Variants in NXPH2 observed in about 807,000 individuals in gnomAD.
The protein encoded by NXPH2 is neurexophilin-2.
Under a neutral mutation model 19.8 loss-of-function variants are expected in NXPH2, and 5 were observed. The ratio of observed to expected loss-of-function variants is 0.25; its 90% CI spans 0.13 to 0.53. The LOEUF (loss-of-function observed/expected upper bound fraction) is 0.53, where lower values mean the gene tolerates loss of function less well. Ranked by LOEUF, NXPH2 falls within the 20% of genes least tolerant of loss-of-function variation. The pLI is 0.96. For missense variants in NXPH2, 289 were observed against 322.8 expected, an observed-to-expected ratio of 0.90 and a Z score of 0.80; for synonymous variants, 154 against 127.4, an observed-to-expected ratio of 1.21 and a Z score of -1.41.
chr2:138,719,110 G>A (rs1681238564), intron 1 of NXPH2, among the ~76,000 whole-genome samples: 1 of 152,016 alleles, frequency 6.6e-6, no homozygotes, highest in South Asian at 2.1e-4. Flanking sequence ...TGATTAACAA[G>A]CTCCTTTATT....
rs56296863 is a variant in NXPH2, at chr2:138,771,476, T to TA, written c.51+8714dup. On this transcript the variant is annotated intron_variant, in intron 1 of 1. Coordinates refer to ENST00000272641, the MANE Select transcript of NXPH2 (RefSeq NM_007226.3). ...TACTTAAAGAAATTCTGAGTAGTACTAAAAAAAAAAAAAATTAAACAGAAA... is the reference window on the plus strand; with the variant it reads ...TACTTAAAGAAATTCTGAGTAGTACTAAAAAAAAAAAAAAATTAAACAGAAA... Among the ~76,000 whole-genome samples, 975 of 141,508 alleles carry TA rather than the reference T, an allele frequency of 6.9e-3. 4 individuals carry two copies. The highest frequency in any genetic ancestry group is 8.3e-3 in the Non-Finnish European group (539 of 64,616). 92.8% of individuals were successfully genotyped at this position (141,508 alleles called of 152,430 possible).
intron 1 of NXPH2, among the ~76,000 whole-genome samples, chr2:138,717,285 C>T (rs1001083452): frequency 6.6e-6 from 1 of 152,082 alleles, no homozygotes; most frequent in East Asian, 1.9e-4. Context: ...ACATGAGAAT[C>T]ACCTGGAGAA....
Position 138,683,814 on chromosome 2 carries a change from A to G in NXPH2, c.52-12149T>C, listed in dbSNP as rs542831491. The stretch of plus-strand genomic sequence containing the variant: ...GTTACATTCTTTCACCAAACATGAC[A>G]TTTGTTAATTTAAAATAAATTTTCC... On this transcript the variant is annotated intron_variant, in intron 1 of 1. Transcript: ENST00000272641. 1.6e-4 allele frequency among the ~76,000 whole-genome samples: 25 copies of G among 152,326 alleles called. No individual in the cohort carries two copies. The South Asian group carries it at 5.0e-3, about 30-fold the overall frequency.
At chr2:138,730,549 C>T (rs574596145) in intron 1 of NXPH2, among the ~76,000 whole-genome samples, 2 of 152,234 alleles carry the variant, frequency 1.3e-5, no homozygotes, top group African/African-American at 4.8e-5. Flanking sequence ...AGAAATATAA[C>T]TACACTGAGG....
chr2:138,745,335 T>C (rs1462942075), intron 1 of NXPH2, among the ~76,000 whole-genome samples: 1 of 152,118 alleles, frequency 6.6e-6, no homozygotes, highest in Admixed American at 6.5e-5. Flanking sequence ...TGCATACGAG[T>C]GTCAACTTGC....
At chr2:138,779,741 T>C (rs1400864680) in intron 1 of NXPH2, among the ~76,000 whole-genome samples, 1 of 152,168 alleles carries the variant, frequency 6.6e-6, no homozygotes, top group Non-Finnish European at 1.5e-5. Flanking sequence ...GCATGCACTA[T>C]GCTGTGCTTT....
At chr2:138,700,416 T>G (rs1680901937) in intron 1 of NXPH2, among the ~76,000 whole-genome samples, 1 of 152,202 alleles carries the variant, frequency 6.6e-6, no homozygotes, top group Non-Finnish European at 1.5e-5. Context: ...ATGATATTAC[T>G]AACAATTACT....
At chr2:138,692,972 T>A (rs569843890) in intron 1 of NXPH2, among the ~76,000 whole-genome samples, 86 of 152,334 alleles carry the variant, frequency 5.6e-4, no homozygotes, top group African/African-American at 2.0e-3. Flanking sequence ...ATGTAAGTTA[T>A]AGTTCCATTT....
At chr2:138,712,902 C>G (rs1681125678) in intron 1 of NXPH2, among the ~76,000 whole-genome samples, 1 of 152,204 alleles carries the variant, frequency 6.6e-6, no homozygotes, top group South Asian at 2.1e-4. Flanking sequence ...AAGGAGCAAA[C>G]AGGGGCTGTA....
intron 1 of NXPH2, among the ~76,000 whole-genome samples, chr2:138,686,757 T>C (rs1680661965): frequency 6.6e-6 from 1 of 152,016 alleles, no homozygotes; most frequent in African/African-American, 2.4e-5. Context: ...TGTGTCCGTG[T>C]GTTCTCATTG....
intron 1 of NXPH2, among the ~76,000 whole-genome samples, chr2:138,674,248 G>T (rs1485731135): frequency 6.6e-6 from 1 of 151,822 alleles, no homozygotes; most frequent in Non-Finnish European, 1.5e-5. Context: ...CCACCTCCAG[G>T]GTTTAAGAAA....
chr2:138,686,643 C>G, intron 1 of NXPH2, among the ~76,000 whole-genome samples: 1 of 152,072 alleles, frequency 6.6e-6, no homozygotes. Context: ...TGTTGGTGTG[C>G]TGCACCCATT....
chr2:138,714,187 T>C (rs75384803), intron 1 of NXPH2, among the ~76,000 whole-genome samples: 6,341 of 152,268 alleles, frequency 0.042, 197 homozygotes, highest in Non-Finnish European at 0.068. Context: ...TCTGCTTCTC[T>C]CTTGCTGTAG....
At chr2:138,697,157 C>T (rs1226706547) in intron 1 of NXPH2, among the ~76,000 whole-genome samples, 1 of 151,952 alleles carries the variant, frequency 6.6e-6, no homozygotes, top group Non-Finnish European at 1.5e-5. Flanking sequence ...CAGTGGTTGC[C>T]TTTGATCAAG....
chr2:138,771,451 T>G (rs1435015995), intron 1 of NXPH2, among the ~76,000 whole-genome samples: 1 of 151,684 alleles, frequency 6.6e-6, no homozygotes, highest in Non-Finnish European at 1.5e-5. Context: ...TGAGGATGGC[T>G]ACTTAAAGAA....
rs1681229731 is a variant in NXPH2 at position 138,718,676 on chromosome 2, A to G, written c.52-47011T>C. Among the ~76,000 whole-genome samples the G allele has an allele frequency of 2.0e-5, 3 of 152,204 alleles. No homozygotes were observed. In the South Asian group the frequency reaches 6.2e-4, roughly 31 times the overall value. ...GCCACTGGACCTTGATGCCTGGGGC[A>G]TTATCCTATGAGTGGCTAAAGGTAA... is the stretch of plus-strand genomic sequence containing the variant. On this transcript the variant is annotated intron_variant, in intron 1 of 1. Coordinates refer to ENST00000272641, the MANE Select transcript of NXPH2 (RefSeq NM_007226.3).
chr2:138,736,299 C>A (rs1681537583), intron 1 of NXPH2, among the ~76,000 whole-genome samples: 1 of 152,226 alleles, frequency 6.6e-6, no homozygotes, highest in Non-Finnish European at 1.5e-5. Flanking sequence ...GGCATCCAAG[C>A]ATTTCCATAC....
At chr2:138,760,234 C>G (rs1242188886) in intron 1 of NXPH2, among the ~76,000 whole-genome samples, 1 of 152,106 alleles carries the variant, frequency 6.6e-6, no homozygotes, top group South Asian at 2.1e-4. Context: ...GATAAATAGG[C>G]TACCTCCCGC....
chr2:138,696,150 C>T (rs1004848240), intron 1 of NXPH2, among the ~76,000 whole-genome samples: 6 of 152,168 alleles, frequency 3.9e-5, no homozygotes, highest in African/African-American at 1.2e-4. Flanking sequence ...CAAGTACAAT[C>T]TTCCCAGACA....
Sources: gnomAD v4.1 joint callset for allele counts (sites outside exome capture counted in the v4.1 genomes callset) on GRCh38, gnomAD v4.1.1 for gene constraint, MANE v1.5 for transcripts, NCBI Gene and HGNC (gene_info 2026-07-23, HGNC 2026-07-21) for gene names.